Variants in SIPA1L2 observed in about 807,000 individuals in gnomAD.
The protein encoded by SIPA1L2 is signal-induced proliferation-associated 1-like protein 2.
A neutral mutation model predicts 163.9 loss-of-function variants in SIPA1L2; 56 were observed. That is an observed-to-expected ratio of 0.34 (90% CI 0.28 to 0.43). The LOEUF (loss-of-function observed/expected upper bound fraction) is 0.43. Ranked by LOEUF, SIPA1L2 falls within the 20% of genes least tolerant of loss-of-function variation. SIPA1L2 has a pLI of 1.00. For missense variants in SIPA1L2, 1,974 were observed against 2,193.5 expected (o/e 0.90, Z 2.00); for synonymous variants, 877 against 865.7 (o/e 1.01, Z -0.23).
intron 1 of SIPA1L2, among the ~76,000 whole-genome samples, chr1:232,602,653 G>A (rs1661665483): frequency 6.6e-6 from 1 of 152,130 alleles, no homozygotes; most frequent in African/African-American, 2.4e-5. Flanking sequence ...ATTTAAGCAG[G>A]GAAGGCTCAT....
rs1337008696 is a variant in SIPA1L2, at chr1:232,398,961, GAGAA to G, written c.*162_*165del. 2.3e-6 allele frequency: 2 copies of G among 882,036 alleles called. No individual in the cohort carries two copies. Among genetic ancestry groups the G allele is most frequent in the African/African-American group, 1.7e-5 (1 of 59,104 alleles). The allele number at this position is 882,036 out of a possible 1,614,324, so 54.6% of individuals were successfully genotyped here. A position where few individuals can be genotyped will look rare whatever the true frequency, so the allele number is the denominator to read the frequency against. ...GGCGCTGCTCTCTGCCGTGGTTACC[GAGAA>G]AGAGTCGAGGCTCCCTATCCTGCTG... On this transcript the variant is annotated 3_prime_UTR_variant, in exon 23 of 23. Coordinates refer to ENST00000674635, the MANE Select transcript of SIPA1L2 (RefSeq NM_020808.5).
intron 18 of SIPA1L2, among the ~76,000 whole-genome samples, chr1:232,421,266 G>T (rs1022546151): frequency 2.0e-5 from 3 of 151,948 alleles, no homozygotes; most frequent in Admixed American, 2.0e-4. Flanking sequence ...AATTCTGAAA[G>T]GGGGGTAGTA....
At chr1:232,538,425 G>C (rs1469266366) in intron 2 of SIPA1L2, among the ~76,000 whole-genome samples, 1 of 152,150 alleles carries the variant, frequency 6.6e-6, no homozygotes, top group African/African-American at 2.4e-5. Flanking sequence ...AAGAATGCCT[G>C]GTGCCTCCGC....
intron 19 of SIPA1L2, 84 bp downstream of exon 19, chr1:232,415,410 C>T (rs1018481909): frequency 2.3e-5 from 34 of 1,462,442 alleles, no homozygotes; most frequent in Non-Finnish European, 2.7e-5. Flanking sequence ...GGGAGACAGA[C>T]GGGCTCCCCT....
intron 2 of SIPA1L2, among the ~76,000 whole-genome samples, chr1:232,572,702 T>C (rs1238660822): frequency 0.011 from 1,121 of 105,234 alleles, 27 homozygotes; most frequent in African/African-American, 0.053. Context: ...TACATATATA[T>C]ATATATATAT....
At position 232,443,596 on chromosome 1, in the gene SIPA1L2, C is replaced by A; in HGVS notation, c.3437+6G>T. Reference sequence around the variant, plus strand: ...AGTGGATAACTAAGATAAAAATGAACAGTACCCGTCGTAGCCCACTTGTGG... The same window carrying A: ...AGTGGATAACTAAGATAAAAATGAAAAGTACCCGTCGTAGCCCACTTGTGG... On this transcript the variant is annotated splice_donor_region_variant and intron_variant, in intron 12 of 22. Coordinates refer to ENST00000674635, the MANE Select transcript of SIPA1L2 (RefSeq NM_020808.5). 6.4e-7 allele frequency: 1 copy of A among 1,572,908 alleles called. No individual in the cohort carries two copies.
chr1:232,610,625 C>T (rs181853446), intron 1 of SIPA1L2, among the ~76,000 whole-genome samples: 3 of 152,336 alleles, frequency 2.0e-5, no homozygotes, highest in Admixed American at 2.0e-4. Flanking sequence ...AAGCAACCCC[C>T]TCCACATACA....
At chr1:232,563,398 G>A (rs1659156808) in intron 2 of SIPA1L2, among the ~76,000 whole-genome samples, 1 of 152,098 alleles carries the variant, frequency 6.6e-6, no homozygotes, top group South Asian at 2.1e-4. Flanking sequence ...GGAATGCGGG[G>A]GGACCTAGGC....
chr1:232,430,756 A>T (rs1662184331), intron 16 of SIPA1L2, among the ~76,000 whole-genome samples: 1 of 152,098 alleles, frequency 6.6e-6, no homozygotes, highest in African/African-American at 2.4e-5. Flanking sequence ...TTGAGCTCAA[A>T]TCCTCCCGAT....
intron 17 of SIPA1L2, among the ~76,000 whole-genome samples, chr1:232,426,614 C>T (rs1025477954): frequency 1.3e-5 from 2 of 151,968 alleles, no homozygotes; most frequent in African/African-American, 4.8e-5. Context: ...GAGCCGAGAT[C>T]GTGCCACTGT....
intron 17 of SIPA1L2, 130 bp from the exon 18 acceptor site, chr1:232,425,938 G>C: frequency 1.3e-6 from 1 of 797,280 alleles, no homozygotes; most frequent in Non-Finnish European, 2.0e-6. Flanking sequence ...GTTAGCTCAA[G>C]AATGCCAAAC....
chr1:232,466,189 G>T (rs986724104), intron 8 of SIPA1L2, among the ~76,000 whole-genome samples: 1 of 152,120 alleles, frequency 6.6e-6, no homozygotes, highest in Non-Finnish European at 1.5e-5. Context: ...TTTAGCCCAC[G>T]TTAGCTGCAT....
chr1:232,616,485 G>A (rs150524462), intron 1 of SIPA1L2, among the ~76,000 whole-genome samples: 262 of 152,316 alleles, frequency 1.7e-3, no homozygotes, highest in Middle Eastern at 3.4e-3. Flanking sequence ...GCACACCTGG[G>A]TGCCCCTTCC....
At position 232,432,249 on chromosome 1, in the gene SIPA1L2, G is replaced by A. The variant is rs370957236; in HGVS notation, c.4254C>T (p.Pro1418=). ...AGAAGAACAGCCAGCCACCTTACCC[G>A]GGACATTCAGTCACTTCAGGCTCCT... ...PPEEPEVTEC[P]GMYSEMDVMS... The change falls in exon 16 of 23, where the codon CCC becomes CCT. Residue 1418 remains proline (P), a splice_region_variant and synonymous_variant. Coordinates refer to ENST00000674635, the MANE Select transcript of SIPA1L2 (RefSeq NM_020808.5). The A allele has an allele frequency of 8.5e-5, 137 of 1,613,194 alleles. No homozygotes were observed. Among genetic ancestry groups the A allele is most frequent in the African/African-American group, 1.1e-4 (8 of 75,002 alleles).
intron 10 of SIPA1L2, among the ~76,000 whole-genome samples, chr1:232,457,722 T>C (rs997725464): frequency 1.3e-5 from 2 of 152,192 alleles, no homozygotes; most frequent in Admixed American, 6.5e-5. Context: ...CATTTCCCCT[T>C]AGCCCCTCCT....
At position 232,465,478 on chromosome 1, in the gene SIPA1L2, C is replaced by T. The variant is rs572398807; in HGVS notation, c.2244-62G>A. On this transcript the variant is annotated intron_variant, in intron 8 of 22. Transcript: ENST00000674635. This position sits in a 1 kb window ranked among gnomAD's most constrained non-coding sequence, Gnocchi z 4.1. Reference sequence around the variant, plus strand: ...TATGATACCATAATATGTATCTTTCCGAATTTGACATATATATACACACAC... The same window carrying T: ...TATGATACCATAATATGTATCTTTCTGAATTTGACATATATATACACACAC... 21 of 1,384,448 alleles carry T rather than the reference C, an allele frequency of 1.5e-5. No homozygotes were observed. The South Asian group carries it at 1.6e-4, about 11-fold the overall frequency. The allele number at this position is 1,384,448 out of a possible 1,614,324, so 85.8% of individuals were successfully genotyped here.
chr1:232,500,491 G>C (rs1284583679), intron 3 of SIPA1L2, among the ~76,000 whole-genome samples: 1 of 152,156 alleles, frequency 6.6e-6, no homozygotes, highest in African/African-American at 2.4e-5. Flanking sequence ...TTAGAAGGTG[G>C]CTCCAACCCT....
chr1:232,450,125 T>C (rs1663484500), intron 10 of SIPA1L2, among the ~76,000 whole-genome samples: 1 of 152,200 alleles, frequency 6.6e-6, no homozygotes, highest in Non-Finnish European at 1.5e-5. Flanking sequence ...TCAGTAAAGG[T>C]TAGTTCTTAT....
intron 1 of SIPA1L2, among the ~76,000 whole-genome samples, chr1:232,582,423 C>A (rs1660429698): frequency 1.3e-5 from 2 of 152,118 alleles, no homozygotes. Context: ...GTTTTCTATA[C>A]CTGCATTGGT....
Sources: allele counts gnomAD v4.1 joint callset (sites outside exome capture counted in the v4.1 genomes callset), GRCh38; gene constraint gnomAD v4.1.1; non-coding constraint Gnocchi (gnomAD v3.1); transcripts MANE v1.5; gene names NCBI Gene and HGNC (gene_info 2026-07-23, HGNC 2026-07-21).